The following GPD2 variants were observed in gnomAD, a reference collection of about 807,000 sequenced individuals.
GPD2 encodes glycerol-3-phosphate dehydrogenase 2.
A neutral mutation model predicts 82.4 loss-of-function variants in GPD2; 54 were observed. That is an observed-to-expected ratio of 0.66 (90% CI 0.53 to 0.82). GPD2 has a LOEUF of 0.82. GPD2 is among the 40% of genes least tolerant of loss of function. GPD2 has a pLI of 0.00. For missense variants in GPD2, 748 were observed against 896.2 expected, an observed-to-expected ratio of 0.83 and a Z score of 2.11; for synonymous variants, 288 against 306.1, an observed-to-expected ratio of 0.94 and a Z score of 0.62.
In GPD2 at chr2:156,571,755, C is replaced by T. The variant is rs572814905; in HGVS notation, c.1767+463C>T. On this transcript the variant is annotated intron_variant, in intron 13 of 16. Transcript: ENST00000438166. ...ATGCTCAGATGCATACACACACACA[C>T]GCACAACACATACATACATACATAT... is the stretch of plus-strand genomic sequence containing the variant. 3.7e-4 allele frequency among the ~76,000 whole-genome samples: 56 copies of T among 152,090 alleles called. 1 individual carries two copies. The highest frequency in any genetic ancestry group is 1.0e-3 in the African/African-American group (42 of 41,480).
At chr2:156,417,594 G>C in the GPD2 span, among the ~76,000 whole-genome samples, 1 of 151,906 alleles carries the variant, frequency 6.6e-6, no homozygotes, top group Admixed American at 6.6e-5. Context: ...GGTGGCATAT[G>C]GGCATTTTAC....
At chr2:156,403,704 T>C in the GPD2 span, among the ~76,000 whole-genome samples, 1 of 152,126 alleles carries the variant, frequency 6.6e-6, no homozygotes, top group South Asian at 2.1e-4. Context: ...TTCTGTTCTA[T>C]AGATAATCAA....
intron 6 of GPD2, among the ~76,000 whole-genome samples, chr2:156,533,448 G>A (rs575811410): frequency 2.6e-5 from 4 of 152,106 alleles, no homozygotes; most frequent in Admixed American, 6.6e-5. Context: ...ACCAGCCTGC[G>A]TCTCACCATT....
chr2:156,502,133 T>A (rs1684607246), intron 3 of GPD2, among the ~76,000 whole-genome samples: 1 of 152,150 alleles, frequency 6.6e-6, no homozygotes, highest in South Asian at 2.1e-4. Context: ...TGTCTGTGTA[T>A]GTATGCATGC....
the GPD2 span, among the ~76,000 whole-genome samples, chr2:156,419,616 G>C: frequency 6.6e-6 from 1 of 151,864 alleles, no homozygotes; most frequent in East Asian, 1.9e-4. Flanking sequence ...TCTTTTCTTA[G>C]CCTCTTTTGT....
intron 1 of GPD2, among the ~76,000 whole-genome samples, chr2:156,438,887 C>T (rs1376035639): frequency 6.6e-6 from 1 of 152,156 alleles, no homozygotes; most frequent in African/African-American, 2.4e-5. Context: ...CATAAGACCT[C>T]GTACAATCAT....
chr2:156,441,174 C>A (rs1005616048), intron 1 of GPD2, among the ~76,000 whole-genome samples: 1 of 152,188 alleles, frequency 6.6e-6, no homozygotes, highest in Non-Finnish European at 1.5e-5. Context: ...AGAGAGGACA[C>A]CCCTTCTCCC....
chr2:156,433,050 C>A (rs1688335364), upstream of GPD2, among the ~76,000 whole-genome samples: 2 of 152,170 alleles, frequency 1.3e-5, no homozygotes, highest in Non-Finnish European at 2.9e-5. Context: ...GTGAAACCAC[C>A]TTTGCAAAAT....
In GPD2 at chr2:156,550,738, TTA is replaced by T; in HGVS notation, c.965_966del (p.Tyr322LeufsTer10). 1 of 1,613,204 alleles carries T rather than the reference TTA, an allele frequency of 6.2e-7. No homozygotes were observed. Among genetic ancestry groups the T allele is most frequent in the South Asian group, 1.1e-5 (1 of 91,062 alleles). ...SAGVHIVMPG[Y>X]YSPESMGLLD... ...CTGGTGTCCATATTGTGATGCCTGG[TTA>T]TTACAGGTAATTGTCTTCCAATGTG... On this transcript the variant is annotated frameshift_variant, in exon 8 of 17. Coordinates refer to ENST00000438166, the MANE Select transcript of GPD2 (RefSeq NM_000408.5). LOFTEE classifies it high-confidence loss of function.
intron 3 of GPD2, among the ~76,000 whole-genome samples, chr2:156,505,171 C>T (rs933889649): frequency 1.3e-5 from 2 of 151,908 alleles, no homozygotes; most frequent in Non-Finnish European, 2.9e-5. Context: ...ATTAGAAATT[C>T]TCACTCAGGT....
chr2:156,529,611 T>C (rs1014405707), intron 6 of GPD2, among the ~76,000 whole-genome samples: 14 of 152,090 alleles, frequency 9.2e-5, no homozygotes, highest in African/African-American at 3.1e-4. Context: ...GAATTGATTT[T>C]TGTATAAGCT....
chr2:156,490,239 A>G (rs1684125414), intron 2 of GPD2, among the ~76,000 whole-genome samples: 1 of 152,126 alleles, frequency 6.6e-6, no homozygotes, highest in Non-Finnish European at 1.5e-5. Context: ...GGTAGAGTGC[A>G]GATGTGTTTT....
intron 2 of GPD2, among the ~76,000 whole-genome samples, chr2:156,480,584 A>G (rs896648953): frequency 1.3e-5 from 2 of 152,048 alleles, no homozygotes; most frequent in Non-Finnish European, 2.9e-5. Context: ...TTTCTCACAT[A>G]ACACATTCTA....
In GPD2 at chr2:156,450,473, G is replaced by T. The variant is rs184598802; in HGVS notation, c.-9+13960G>T. 2.7e-4 allele frequency among the ~76,000 whole-genome samples: 41 copies of T among 152,196 alleles called. No homozygotes were observed. The East Asian group carries it at 7.3e-3, about 27-fold the overall frequency. ...GGGATGGGATGGAAAGCAGAAGAGC[G>T]TGGTGTCTCTGAGGCTAAGAATTCA... On this transcript the variant is annotated intron_variant, in intron 1 of 16. Transcript: ENST00000438166.
chr2:156,526,223 T>C lies in GPD2; in HGVS notation c.661+12727T>C, dbSNP rs562725361. Among the ~76,000 whole-genome samples the C allele has an allele frequency of 3.9e-5, 6 of 152,322 alleles. No homozygotes were observed. The South Asian group carries it at 1.0e-3, about 26-fold the overall frequency. ...CCTTAGCCATCAATAAACCACACTTTCAAATTATTTTTCTTTTTATAAGTG... is the reference window on the plus strand; with the variant it reads ...CCTTAGCCATCAATAAACCACACTTCCAAATTATTTTTCTTTTTATAAGTG... On this transcript the variant is annotated intron_variant, in intron 6 of 16. Coordinates refer to ENST00000438166, the MANE Select transcript of GPD2 (RefSeq NM_000408.5).
intron 6 of GPD2, among the ~76,000 whole-genome samples, chr2:156,515,988 T>TA (rs1298916810): frequency 1.3e-5 from 2 of 152,302 alleles, no homozygotes; most frequent in East Asian, 3.9e-4. Flanking sequence ...AGCATGTAGG[T>TA]AAAAGAATTA....
At chr2:156,515,478 CTTAT>C (rs1279839311) in intron 6 of GPD2, among the ~76,000 whole-genome samples, 1 of 151,404 alleles carries the variant, frequency 6.6e-6, no homozygotes, top group East Asian at 1.9e-4. Context: ...ATTATAGATT[CTTAT>C]TTGGAATTGT....
intron 1 of GPD2, among the ~76,000 whole-genome samples, chr2:156,444,245 G>T (rs1325525730): frequency 6.6e-6 from 1 of 152,140 alleles, no homozygotes; most frequent in South Asian, 2.1e-4. Context: ...GCCTCTCCAG[G>T]TATAGCATTC....
intron 2 of GPD2, among the ~76,000 whole-genome samples, chr2:156,479,980 G>A (rs768993168): frequency 6.6e-6 from 1 of 152,178 alleles, no homozygotes; most frequent in Admixed American, 6.5e-5. Flanking sequence ...AATGGAGCAA[G>A]CAGAGACACT....
Sources: gnomAD v4.1 joint callset for allele counts (sites outside exome capture counted in the v4.1 genomes callset) on GRCh38, gnomAD v4.1.1 for gene constraint, MANE v1.5 for transcripts, NCBI Gene and HGNC (gene_info 2026-07-23, HGNC 2026-07-21) for gene names.